The following SGCZ variants were observed in gnomAD, a reference collection of about 807,000 sequenced individuals.
The protein encoded by SGCZ is zeta-sarcoglycan.
Under a neutral mutation model 41.3 loss-of-function variants are expected in SGCZ, and 40 were observed. The ratio of observed to expected loss-of-function variants is 0.97; its 90% confidence interval spans 0.75 to 1.26. The LOEUF (loss-of-function observed/expected upper bound fraction) is 1.26. SGCZ is among the 50% of genes most tolerant of loss of function. The pLI is 0.00. For synonymous variants in SGCZ, 206 were observed against 137.5 expected (o/e 1.50, Z -3.49); for missense variants, 552 against 369.8 (o/e 1.49, Z -4.04).
At chr8:14,695,000 A>C (rs952179483) in intron 1 of SGCZ, among the ~76,000 whole-genome samples, 6 of 152,192 alleles carry the variant, frequency 3.9e-5, no homozygotes, top group African/African-American at 1.4e-4. Context: ...ATTTGCACGG[A>C]ATATGACAAG....
At chr8:14,629,242 G>A (rs913413493) in intron 1 of SGCZ, among the ~76,000 whole-genome samples, 8 of 152,044 alleles carry the variant, frequency 5.3e-5, no homozygotes, top group Non-Finnish European at 1.2e-4. Context: ...GTTACTAAAA[G>A]TTTACTTCGT....
intron 1 of SGCZ, among the ~76,000 whole-genome samples, chr8:14,999,259 T>C (rs1015330190): frequency 6.6e-6 from 1 of 152,192 alleles, no homozygotes; most frequent in Non-Finnish European, 1.5e-5. Context: ...CAAGCTATCT[T>C]CAGAAACACA....
intron 2 of SGCZ, among the ~76,000 whole-genome samples, chr8:14,337,639 G>C (rs1407257891): frequency 1.3e-5 from 2 of 152,144 alleles, no homozygotes; most frequent in Non-Finnish European, 2.9e-5. Flanking sequence ...AGATATAGTG[G>C]AATGAACATA....
At chr8:14,308,515 A>C (rs1801418973) in intron 3 of SGCZ, among the ~76,000 whole-genome samples, 1 of 152,028 alleles carries the variant, frequency 6.6e-6, no homozygotes. Flanking sequence ...AGGGCATTGC[A>C]AACTCGTGCC....
intron 1 of SGCZ, among the ~76,000 whole-genome samples, chr8:14,895,079 T>C (rs918928453): frequency 1.3e-5 from 2 of 152,184 alleles, no homozygotes; most frequent in African/African-American, 4.8e-5. Context: ...ATAATTTTGG[T>C]TTCAGTTGAA....
chr8:14,177,731 A>G (rs1461568425), intron 4 of SGCZ, among the ~76,000 whole-genome samples: 1 of 113,846 alleles, frequency 8.8e-6, no homozygotes, highest in Admixed American at 1.1e-4. Flanking sequence ...TCACCGTGTT[A>G]GCCAGGATGG....
chr8:14,862,211 A>G lies in SGCZ; in HGVS notation c.40-307285T>C, dbSNP rs555929627. ...AAGACCGTAGAAGGGCTTTCCTATTATTCAAATTGGAAACCAAGGCTCTGA... is the reference window on the plus strand; with the variant it reads ...AAGACCGTAGAAGGGCTTTCCTATTGTTCAAATTGGAAACCAAGGCTCTGA... On this transcript the variant is annotated intron_variant, in intron 1 of 7. Transcript: ENST00000382080. Among the ~76,000 whole-genome samples the G allele has an allele frequency of 6.2e-4, 94 of 152,064 alleles. No homozygotes were observed. The Middle Eastern group carries it at 0.014, about 22-fold the overall frequency.
At chr8:15,232,757 A>ATG (rs1472870994) in intron 1 of SGCZ, among the ~76,000 whole-genome samples, 179 of 145,300 alleles carry the variant, frequency 1.2e-3, no homozygotes, top group African/African-American at 4.2e-3. Flanking sequence ...ATATATACAT[A>ATG]TATATGTGTG....
rs1412079919 is a variant in SGCZ at position 14,854,942 on chromosome 8, A to C, written c.40-300016T>G. Among the ~76,000 whole-genome samples, 3 of 151,328 alleles carry C rather than the reference A, an allele frequency of 2.0e-5. No individual in the cohort carries two copies. The South Asian group carries it at 6.3e-4, about 32-fold the overall frequency. On this transcript the variant is annotated intron_variant, in intron 1 of 7. Transcript: ENST00000382080. ...GGCCTGAACAATCATGCAGAGGTCCATGCTATGGCCTCTCTTGGGAAATCC... is the reference window on the plus strand; with the variant it reads ...GGCCTGAACAATCATGCAGAGGTCCCTGCTATGGCCTCTCTTGGGAAATCC...
chr8:14,879,587 G>A (rs963400903), intron 1 of SGCZ, among the ~76,000 whole-genome samples: 1 of 104,558 alleles, frequency 9.6e-6, no homozygotes, highest in Non-Finnish European at 1.9e-5. Context: ...CACACACACA[G>A]ACACACAGAC....
At chr8:14,211,078 A>G (rs559428336) in intron 4 of SGCZ, among the ~76,000 whole-genome samples, 41 of 152,276 alleles carry the variant, frequency 2.7e-4, no homozygotes, top group African/African-American at 9.9e-4. Flanking sequence ...ATCGTCTTTC[A>G]TCTCTAAATC....
intron 5 of SGCZ, among the ~76,000 whole-genome samples, chr8:14,112,906 G>A (rs145535485): frequency 4.3e-4 from 65 of 150,272 alleles, no homozygotes; most frequent in Non-Finnish European, 7.6e-4. Context: ...TTGGGGAAAG[G>A]ATGGAGTAAC....
intron 2 of SGCZ, among the ~76,000 whole-genome samples, chr8:14,541,281 C>T (rs1045051157): frequency 6.6e-6 from 1 of 151,896 alleles, no homozygotes; most frequent in African/African-American, 2.4e-5. Context: ...AGGTATTTGT[C>T]CTAATGCTCT....
intron 1 of SGCZ, among the ~76,000 whole-genome samples, chr8:15,155,296 C>CA (rs994112552): frequency 1.3e-5 from 2 of 151,584 alleles, no homozygotes; most frequent in African/African-American, 4.9e-5. Context: ...CCCTGTCTCA[C>CA]AAAAAATAAA....
At chr8:14,314,254 C>T (rs1044047180) in intron 3 of SGCZ, among the ~76,000 whole-genome samples, 2 of 151,786 alleles carry the variant, frequency 1.3e-5, no homozygotes, top group African/African-American at 2.4e-5. Flanking sequence ...AACTGTCTCC[C>T]AGTTTTAATG....
chr8:14,991,608 C>A (rs1385007398), intron 1 of SGCZ, among the ~76,000 whole-genome samples: 1 of 152,108 alleles, frequency 6.6e-6, no homozygotes, highest in East Asian at 1.9e-4. Context: ...AGTTTCTACT[C>A]CCCATATCTG....
rs147483157 is a variant in SGCZ, at chr8:14,309,386, C to T, written c.336+14717G>A. The T allele has an allele frequency of 3.8e-3, 6,101 of 1,604,908 alleles. 18 individuals are homozygous for T. The highest frequency in any genetic ancestry group is 5.0e-3 in the Middle Eastern group (22 of 4,410). ...AATTACATTGAACAGTCAGCAGAGA[C>T]GAAGTGACCTCGATCGCTTTTGGCT... On this transcript the variant is annotated intron_variant, in intron 3 of 7. Transcript: ENST00000382080.
At chr8:14,836,609 G>A (rs1329322105) in intron 1 of SGCZ, among the ~76,000 whole-genome samples, 2 of 152,012 alleles carry the variant, frequency 1.3e-5, no homozygotes, top group Admixed American at 6.6e-5. Context: ...AGTGCTTCTC[G>A]TGCCTCAGCC....
intron 1 of SGCZ, among the ~76,000 whole-genome samples, chr8:14,589,414 C>A (rs1195655895): frequency 1.3e-5 from 2 of 151,100 alleles, no homozygotes; most frequent in African/African-American, 4.9e-5. Flanking sequence ...CCTAATAATA[C>A]CAACCAAACT....
Sources: allele counts gnomAD v4.1 joint callset (sites outside exome capture counted in the v4.1 genomes callset), GRCh38; gene constraint gnomAD v4.1.1; transcripts MANE v1.5; gene names NCBI Gene and HGNC (gene_info 2026-07-23, HGNC 2026-07-21).